GRID1: variants seen among roughly 807,000 people sequenced by gnomAD.
GRID1 encodes glutamate ionotropic receptor delta type subunit 1, also known as glutamate receptor ionotropic, delta-1.
A neutral mutation model predicts 98.0 loss-of-function variants in GRID1; 28 were observed. That is an observed-to-expected ratio of 0.29 (90% CI 0.21 to 0.39). The LOEUF (loss-of-function observed/expected upper bound fraction) is 0.39. Among genes scored for constraint, GRID1 ranks in the 10% least tolerant of loss-of-function variants. GRID1 has a pLI of 1.00. For missense variants in GRID1, 1,111 were observed against 1,340.5 expected (o/e 0.83, Z 2.67); for synonymous variants, 553 against 538.5 (o/e 1.03, Z -0.37).
rs1306600776 is a variant in GRID1, at chr10:86,195,437, T to C, written c.520+10927A>G. On this transcript the variant is annotated intron_variant, in intron 3 of 15. Transcript: ENST00000327946. This position sits in a 1 kb window ranked among gnomAD's most constrained non-coding sequence, Gnocchi z 4.4. Reference sequence around the variant, plus strand: ...TCCTTGGCACCTCTTGATTTTCTAATGCAGTTGCTTTCTTAACCTCAGTGT... The same window carrying C: ...TCCTTGGCACCTCTTGATTTTCTAACGCAGTTGCTTTCTTAACCTCAGTGT... Among the ~76,000 whole-genome samples the C allele has an allele frequency of 6.6e-6, 1 of 152,144 alleles. No homozygotes were observed. Among genetic ancestry groups the C allele is most frequent in the Admixed American group, 6.5e-5 (1 of 15,278 alleles).
At position 86,195,301 on chromosome 10, in the gene GRID1, T is replaced by C. The variant is rs2132011246; in HGVS notation, c.520+11063A>G. ...CCATTCTGTCCTTCATGGTCTCCTG[T>C]AGAGATCAGGTCCCTCAGGGAGGAT... On this transcript the variant is annotated intron_variant, in intron 3 of 15. Transcript: ENST00000327946. The surrounding 1 kb of genome is among the most constrained non-coding windows in gnomAD (Gnocchi z 4.4). Among the ~76,000 whole-genome samples the C allele has an allele frequency of 6.6e-6, 1 of 152,166 alleles. No homozygotes were observed. The highest frequency in any genetic ancestry group is 6.5e-5 in the Admixed American group (1 of 15,276).
At chr10:86,354,056 A>G (rs576996053) in intron 2 of GRID1, among the ~76,000 whole-genome samples, 3 of 152,308 alleles carry the variant, frequency 2.0e-5, no homozygotes, top group Admixed American at 6.5e-5. Flanking sequence ...CACTCAGATG[A>G]AAAGGCAGAA....
intron 13 of GRID1, among the ~76,000 whole-genome samples, chr10:85,641,384 C>T (rs559961397): frequency 1.3e-5 from 2 of 152,280 alleles, no homozygotes; most frequent in South Asian, 4.1e-4. Context: ...TGCTATGACA[C>T]ATGGAAGGAG....
chr10:86,271,608 A>G (rs1847185782), intron 2 of GRID1, among the ~76,000 whole-genome samples: 4 of 152,272 alleles, frequency 2.6e-5, no homozygotes, highest in Admixed American at 2.6e-4. Flanking sequence ...AGAGATGAAA[A>G]GTACAATATG....
At chr10:85,889,649 G>C (rs1841166480) in intron 5 of GRID1, among the ~76,000 whole-genome samples, 1 of 152,212 alleles carries the variant, frequency 6.6e-6, no homozygotes, top group Non-Finnish European at 1.5e-5. Context: ...AAACATGAGA[G>C]TTCAGGTACT....
chr10:85,873,901 CCACTGGTTGAACA>C (rs1490359822), intron 5 of GRID1, among the ~76,000 whole-genome samples: 1 of 152,200 alleles, frequency 6.6e-6, no homozygotes, highest in Non-Finnish European at 1.5e-5. Context: ...CATTTAATAA[CCACTGGTTGAACA>C]TTAAGCATTA....
intron 11 of GRID1, among the ~76,000 whole-genome samples, chr10:85,723,850 G>A (rs979569180): frequency 2.4e-4 from 36 of 152,188 alleles, no homozygotes; most frequent in Admixed American, 2.4e-3. Flanking sequence ...TAGAAACTTT[G>A]CAATTTGTTG....
intron 8 of GRID1, among the ~76,000 whole-genome samples, chr10:85,771,935 T>G (rs1423811207): frequency 6.6e-6 from 1 of 152,048 alleles, no homozygotes; most frequent in Non-Finnish European, 1.5e-5. Flanking sequence ...TTAACAAGGA[T>G]ACCCAGGAAT....
At chr10:86,113,373 C>A (rs772586250) in intron 4 of GRID1, among the ~76,000 whole-genome samples, 3 of 152,182 alleles carry the variant, frequency 2.0e-5, no homozygotes, top group African/African-American at 7.2e-5. Context: ...CTCTAACAGG[C>A]CAGCTTTAAT....
chr10:85,965,380 C>T (rs1223211338), intron 4 of GRID1, among the ~76,000 whole-genome samples: 2 of 152,146 alleles, frequency 1.3e-5, no homozygotes, highest in African/African-American at 2.4e-5. Context: ...AGATTTGGAA[C>T]CAATCCAAAT....
At chr10:85,888,144 G>T (rs776513327) in intron 5 of GRID1, among the ~76,000 whole-genome samples, 2 of 152,222 alleles carry the variant, frequency 1.3e-5, no homozygotes, top group Non-Finnish European at 2.9e-5. Flanking sequence ...TTGAAAAGTA[G>T]TTCAGCTTCC....
chr10:85,996,787 C>T lies in GRID1; in HGVS notation c.727-80548G>A, dbSNP rs548446609. Among the ~76,000 whole-genome samples the T allele has an allele frequency of 3.4e-5, 5 of 147,416 alleles. No individual in the cohort carries two copies. The South Asian group carries it at 6.5e-4, about 19-fold the overall frequency. On this transcript the variant is annotated intron_variant, in intron 4 of 15. Transcript: ENST00000327946. Reference sequence around the variant, plus strand: ...GAGGTTGCAGTGAGCTGAGATCATGCTATTGCACTTCAGCATGGGCGACAA... The same window carrying T: ...GAGGTTGCAGTGAGCTGAGATCATGTTATTGCACTTCAGCATGGGCGACAA...
chr10:85,640,481 CA>C (rs1843102510), intron 13 of GRID1, among the ~76,000 whole-genome samples: 1 of 152,192 alleles, frequency 6.6e-6, no homozygotes, highest in Non-Finnish European at 1.5e-5. Context: ...TCTAGCATCC[CA>C]AAAGTGCACA....
chr10:85,892,404 T>C (rs1841215911), intron 5 of GRID1, among the ~76,000 whole-genome samples: 1 of 151,346 alleles, frequency 6.6e-6, no homozygotes, highest in Non-Finnish European at 1.5e-5. Flanking sequence ...ATTAAGCACA[T>C]AACCAAAGAG....
intron 4 of GRID1, among the ~76,000 whole-genome samples, chr10:86,016,865 A>G (rs1253755444): frequency 6.6e-6 from 1 of 152,204 alleles, no homozygotes; most frequent in East Asian, 1.9e-4. Context: ...CTTTAGAGTC[A>G]GGGGTATTAT....
chr10:85,613,717 T>G, intron 14 of GRID1, 70 bp from the exon 15 acceptor site: 1 of 1,538,882 alleles, frequency 6.5e-7, no homozygotes, highest in South Asian at 1.2e-5. Context: ...CCCTGGCCCC[T>G]GCCCCACCAT....
intron 8 of GRID1, among the ~76,000 whole-genome samples, chr10:85,758,928 A>G (rs1842123042): frequency 6.6e-6 from 1 of 152,168 alleles, no homozygotes; most frequent in African/African-American, 2.4e-5. Flanking sequence ...AAGCTGCTTA[A>G]CCCCTGTGTG....
chr10:85,768,668 C>T (rs951028058), intron 8 of GRID1, among the ~76,000 whole-genome samples: 1 of 152,128 alleles, frequency 6.6e-6, no homozygotes, highest in East Asian at 1.9e-4. Flanking sequence ...AAGAAAAATA[C>T]ATTTTTCAAT....
chr10:85,852,449 G>T (rs1377488866), intron 8 of GRID1, among the ~76,000 whole-genome samples: 1 of 152,148 alleles, frequency 6.6e-6, no homozygotes, highest in African/African-American at 2.4e-5. Context: ...GAGGTGGCCA[G>T]CCTGGCGCCA....
Sources: gnomAD v4.1 joint callset for allele counts (sites outside exome capture counted in the v4.1 genomes callset) on GRCh38, gnomAD v4.1.1 for gene constraint, Gnocchi (gnomAD v3.1) non-coding constraint, MANE v1.5 for transcripts, NCBI Gene and HGNC (gene_info 2026-07-23, HGNC 2026-07-21) for gene names.